CA10: variants seen among roughly 807,000 people sequenced by gnomAD.
CA10 encodes the protein carbonic anhydrase 10 (inactive), also known as carbonic anhydrase-related protein 10.
A neutral mutation model predicts 44.2 loss-of-function variants in CA10; 14 were observed. The observed-to-expected ratio is 0.32, with a 90% CI of 0.21 to 0.50. The LOEUF (loss-of-function observed/expected upper bound fraction) is 0.50, where lower values mean the gene tolerates loss of function less well. Ranked by LOEUF, CA10 falls within the 20% of genes least tolerant of loss-of-function variation. CA10 has a pLI of 0.99. For missense variants in CA10, 350 were observed against 409.7 expected, an observed-to-expected ratio of 0.85 and a Z score of 1.26; for synonymous variants, 159 against 141.6, an observed-to-expected ratio of 1.12 and a Z score of -0.87.
At chr17:52,024,324 T>C (rs1197776396) in intron 2 of CA10, among the ~76,000 whole-genome samples, 1 of 152,138 alleles carries the variant, frequency 6.6e-6, no homozygotes, top group African/African-American at 2.4e-5. Context: ...CATAGTCACA[T>C]ATGTGAAATG....
chr17:51,649,097 G>A, intron 6 of CA10, 85 bp downstream of exon 6: 1 of 886,888 alleles, frequency 1.1e-6, no homozygotes, highest in Non-Finnish European at 1.9e-6. Context: ...AGGGCCCATG[G>A]AGATCATCAG....
chr17:52,002,020 T>G (rs1985442468), intron 2 of CA10, among the ~76,000 whole-genome samples: 1 of 151,842 alleles, frequency 6.6e-6, no homozygotes, highest in Admixed American at 6.6e-5. Flanking sequence ...GATAACCTGA[T>G]AGCCACTCTG....
chr17:52,078,889 T>TA (rs1330768218), intron 1 of CA10, among the ~76,000 whole-genome samples: 2 of 152,352 alleles, frequency 1.3e-5, no homozygotes, highest in East Asian at 3.9e-4. Context: ...TGTGTGGTCC[T>TA]ACATTCTAAC....
intron 1 of CA10, among the ~76,000 whole-genome samples, chr17:52,104,260 C>A (rs1208062229): frequency 6.6e-6 from 1 of 151,292 alleles, no homozygotes; most frequent in Non-Finnish European, 1.5e-5. Context: ...TGCAGTGGCA[C>A]AATCTCTGCT....
chr17:51,781,759 C>A (rs1906069326), intron 3 of CA10, among the ~76,000 whole-genome samples: 1 of 152,192 alleles, frequency 6.6e-6, no homozygotes, highest in Admixed American at 6.5e-5. Context: ...GCCATATAGA[C>A]TTTGCTGTTA....
At chr17:52,149,804 C>T (rs1989665618) in intron 1 of CA10, among the ~76,000 whole-genome samples, 1 of 152,114 alleles carries the variant, frequency 6.6e-6, no homozygotes, top group Non-Finnish European at 1.5e-5. Context: ...CCAGGGACAA[C>T]AGTGGAAAAT....
intron 2 of CA10, among the ~76,000 whole-genome samples, chr17:52,004,355 GAC>G (rs1458980995): frequency 6.6e-6 from 1 of 151,748 alleles, no homozygotes; most frequent in African/African-American, 2.4e-5. Flanking sequence ...CAAACCAAAA[GAC>G]ACAGAGAGAA....
intron 2 of CA10, among the ~76,000 whole-genome samples, chr17:52,018,851 T>A (rs1269257190): frequency 1.4e-5 from 2 of 143,418 alleles, no homozygotes; most frequent in Non-Finnish European, 3.1e-5. Context: ...CAGGTGGACC[T>A]AGTGGGAGGT....
At chr17:51,658,466 GAA>G (rs1454227723) in intron 4 of CA10, among the ~76,000 whole-genome samples, 1 of 152,204 alleles carries the variant, frequency 6.6e-6, no homozygotes, top group Non-Finnish European at 1.5e-5. Flanking sequence ...TATGGTTGGT[GAA>G]AAGTCTTTGG....
chr17:51,847,162 G>A (rs916497211), intron 3 of CA10, among the ~76,000 whole-genome samples: 3 of 152,188 alleles, frequency 2.0e-5, no homozygotes, highest in African/African-American at 7.2e-5. Context: ...CAGCTGCACT[G>A]CATCAGCCCT....
At chr17:51,787,858 T>C (rs1906353562) in intron 3 of CA10, among the ~76,000 whole-genome samples, 1 of 152,252 alleles carries the variant, frequency 6.6e-6, no homozygotes. Context: ...TCTTTTTTTC[T>C]TAGTCTGCCT....
chr17:52,128,051 A>G (rs1209536185), intron 1 of CA10, among the ~76,000 whole-genome samples: 1 of 152,202 alleles, frequency 6.6e-6, no homozygotes, highest in African/African-American at 2.4e-5. Flanking sequence ...AAATCTACCC[A>G]GGGACATAAG....
At chr17:51,762,388 A>G (rs1905239597) in intron 3 of CA10, 1 of 152,198 alleles carries the variant, frequency 6.6e-6, no homozygotes, top group Non-Finnish European at 1.5e-5. Flanking sequence ...CATTTCCCAG[A>G]GGAGTGGGCA....
chr17:51,786,413 A>G (rs529531376), intron 3 of CA10, among the ~76,000 whole-genome samples: 6 of 152,278 alleles, frequency 3.9e-5, no homozygotes, highest in Non-Finnish European at 5.9e-5. Context: ...TTAGACAGGC[A>G]TGGTGATGTT....
intron 3 of CA10, among the ~76,000 whole-genome samples, chr17:51,823,155 A>C (rs1263997717): frequency 6.6e-6 from 1 of 152,210 alleles, no homozygotes; most frequent in East Asian, 1.9e-4. Flanking sequence ...GATGAAGAAG[A>C]GGGATCTTTC....
intron 3 of CA10, among the ~76,000 whole-genome samples, chr17:51,811,784 GATTT>G (rs1287857750): frequency 1.3e-5 from 2 of 152,146 alleles, no homozygotes; most frequent in Non-Finnish European, 2.9e-5. Flanking sequence ...GATTTACTAT[GATTT>G]ATTAGTAATG....
At chr17:51,821,096 CCTT>C (rs1598062265) in intron 3 of CA10, among the ~76,000 whole-genome samples, 1 of 117,798 alleles carries the variant, frequency 8.5e-6, no homozygotes, top group African/African-American at 3.3e-5. Context: ...TCCCTCCCTT[CCTT>C]CCTTCCTTCC....
At chr17:51,832,337 A>G (rs1598069672) in intron 3 of CA10, among the ~76,000 whole-genome samples, 1 of 152,356 alleles carries the variant, frequency 6.6e-6, no homozygotes, top group African/African-American at 2.4e-5. Flanking sequence ...AGGGAGGGTG[A>G]CTGACAACAC....
At position 51,649,242 on chromosome 17, in the gene CA10, A is replaced by C. The variant is rs373689084; in HGVS notation, c.574T>G (p.Ser192Ala). 3 of 1,612,046 alleles carry C rather than the reference A, an allele frequency of 1.9e-6. No homozygotes were observed. Among genetic ancestry groups the C allele is most frequent in the Non-Finnish European group, 2.5e-6 (3 of 1,178,228 alleles). Residue 192 changes from serine to alanine, a missense_variant, in exon 6 of 9, where the codon TCA (serine) becomes GCA (alanine). Physicochemically the swap from Ser to Ala is moderately conservative, Grantham distance 99. Coordinates refer to ENST00000451037, the MANE Select transcript of CA10 (RefSeq NM_020178.5). ...VSIFIKVSDS[S>A]NPFLNRMLNR... Reference sequence around the variant, plus strand: ...AGCATTCGATTAAGAAATGGGTTTGATGAATCAGAAACCTGGAGGAGAAAA... The same window carrying C: ...AGCATTCGATTAAGAAATGGGTTTGCTGAATCAGAAACCTGGAGGAGAAAA...
Sources: gnomAD v4.1 joint callset for allele counts (sites outside exome capture counted in the v4.1 genomes callset) on GRCh38, gnomAD v4.1.1 for gene constraint, MANE v1.5 for transcripts, NCBI Gene and HGNC (gene_info 2026-07-23, HGNC 2026-07-21) for gene names.